Variants in GCN1 observed in about 807,000 individuals in gnomAD.
GCN1 encodes the protein stalled ribosome sensor GCN1.
GCN1 carries 90 observed loss-of-function variants against 288.4 expected under a neutral mutation model. The ratio of observed to expected loss-of-function variants is 0.31; its 90% CI spans 0.26 to 0.37. GCN1 has a LOEUF of 0.37. Among genes scored for constraint, GCN1 ranks in the 10% least tolerant of loss-of-function variants. GCN1 has a pLI of 1.00. For synonymous variants in GCN1, 1,386 were observed against 1,420.2 expected (o/e 0.98, Z 0.54); for missense variants, 2,586 against 3,419.9 (o/e 0.76, Z 6.08).
chr12:120,165,178 C>G (rs563353955), intron 16 of GCN1, among the ~76,000 whole-genome samples: 1 of 152,016 alleles, frequency 6.6e-6, no homozygotes, highest in Admixed American at 6.6e-5. Context: ...TCTCGAGTAG[C>G]TGGGACGACA....
At chr12:120,194,621 G>T in intron 1 of GCN1, 59 bp downstream of exon 1, 1 of 1,477,176 alleles carries the variant, frequency 6.8e-7, no homozygotes. Flanking sequence ...GGCCCCGCCC[G>T]ACGGCCACCG....
At position 120,182,686 on chromosome 12, in the gene GCN1, C is replaced by T. The variant is rs193169467; in HGVS notation, c.426+883G>A. Among the ~76,000 whole-genome samples, 124 of 152,248 alleles carry T rather than the reference C, an allele frequency of 8.1e-4. 1 individual carries two copies. The highest frequency in any genetic ancestry group is 1.4e-3 in the Non-Finnish European group (93 of 68,006). ...GGCAAAGTGGCTCACACCTATAATCCCAACACTTTGGGAGGCCAAGGCAGG... is the reference window on the plus strand; with the variant it reads ...GGCAAAGTGGCTCACACCTATAATCTCAACACTTTGGGAGGCCAAGGCAGG... On this transcript the variant is annotated intron_variant, in intron 5 of 57. Transcript: ENST00000300648.
intron 31 of GCN1, among the ~76,000 whole-genome samples, 174 bp downstream of exon 31, chr12:120,154,796 C>T (rs1238531323): frequency 6.6e-6 from 1 of 152,142 alleles, no homozygotes; most frequent in East Asian, 1.9e-4. Flanking sequence ...AAAGATGGTG[C>T]CTCACACGGT....
At chr12:120,181,372 G>A (rs1392300434) in intron 5 of GCN1, among the ~76,000 whole-genome samples, 1 of 149,370 alleles carries the variant, frequency 6.7e-6, no homozygotes, top group East Asian at 2.0e-4. Context: ...GGCTGTGACA[G>A]AAGGATCGCT....
rs761323703 is a variant in GCN1 at position 120,156,482 on chromosome 12, G to A, written c.3291C>T (p.Ser1097=). 29 of 1,613,796 alleles carry A rather than the reference G, an allele frequency of 1.8e-5. No individual in the cohort carries two copies. The highest frequency in any genetic ancestry group is 1.7e-4 in the Middle Eastern group (1 of 6,058). ...LLCALQSPCA[S]VRETVLRGLM... ...ACACCCGGAGCACGGTTTCCCGCAC[G>A]CTGGCACACGGGGACTGCAAGGCAC... The change falls in exon 28 of 58, where the codon AGC becomes AGT. Residue 1097 remains serine (S), a synonymous_variant. Coordinates refer to ENST00000300648, the MANE Select transcript of GCN1 (RefSeq NM_006836.2). This position sits in a 1 kb window ranked among gnomAD's most constrained non-coding sequence, Gnocchi z 5.8.
Position 120,134,775 on chromosome 12 carries a change from G to T in GCN1, c.7009-49C>A. ...GAAAGACAGTTGTGGTAGACCCAAA[G>T]CCACAGTGTACCACAGGCATGAGAA... is the stretch of plus-strand genomic sequence containing the variant. On this transcript the variant is annotated intron_variant, in intron 51 of 57. Transcript: ENST00000300648. This position sits in a 1 kb window ranked among gnomAD's most constrained non-coding sequence, Gnocchi z 5.0. The T allele has an allele frequency of 6.7e-7, 1 of 1,490,924 alleles. No individual in the cohort carries two copies. The highest frequency in any genetic ancestry group is 9.3e-7 in the Non-Finnish European group (1 of 1,070,832). The allele number at this position is 1,490,924 out of a possible 1,614,324, so 92.4% of individuals were successfully genotyped here.
chr12:120,162,025 G>T lies in GCN1; in HGVS notation c.2197C>A (p.Leu733Met). The T allele has an allele frequency of 6.2e-7, 1 of 1,613,320 alleles. No homozygotes were observed. The highest frequency in any genetic ancestry group is 8.5e-7 in the Non-Finnish European group (1 of 1,180,020). The change falls in exon 21 of 58, where the codon CTG (leucine) becomes ATG (methionine). Residue 733 changes from leucine to methionine, a missense_variant. Physicochemically the swap from Leu to Met is conservative, Grantham distance 15. This residue lies in a region of GCN1 where 913 missense variants were observed against 1,107.0 expected (regional missense o/e 0.82). Coordinates refer to ENST00000300648, the MANE Select transcript of GCN1 (RefSeq NM_006836.2). Reference protein sequence around the residue: ...SMNAMGSLSVLSPDRVLPQLI... With the variant: ...SMNAMGSLSVMSPDRVLPQLI... ...TGTGGGAGGACCCGGTCCGGCGACA[G>T]GACGGAAAGGGAGCCCATGGCATTC...
In GCN1 at chr12:120,138,726, T is replaced by G. The variant is rs759668070; in HGVS notation, c.6125A>C (p.Glu2042Ala). 10 of 1,614,038 alleles carry G rather than the reference T, an allele frequency of 6.2e-6. No homozygotes were observed. Among genetic ancestry groups the G allele is most frequent in the Non-Finnish European group, 8.5e-6 (10 of 1,179,984 alleles). Residue 2042 changes from glutamate (E) to alanine (A), a missense_variant, in exon 46 of 58, where the codon GAG becomes GCG. Glu to Ala is a moderately radical substitution (Grantham distance 107). Coordinates refer to ENST00000300648, the MANE Select transcript of GCN1 (RefSeq NM_006836.2). ...LHSTIGHQAL[E>A]DILPFLLKQL... The stretch of plus-strand genomic sequence containing the variant: ...CTTTAGTAAAAATGGGAGAATGTCC[T>G]CCAGAGCCTGGTGGCCGATGGTGGA...
intron 5 of GCN1, among the ~76,000 whole-genome samples, chr12:120,180,562 G>T (rs538246090): frequency 6.6e-6 from 1 of 151,732 alleles, no homozygotes; most frequent in Non-Finnish European, 1.5e-5. Context: ...ACGAGATAGC[G>T]CCACTGCACT....
In GCN1 at chr12:120,149,724, A is replaced by C; in HGVS notation, c.4432-4T>G. On this transcript the variant is annotated splice_region_variant and splice_polypyrimidine_tract_variant and intron_variant, in intron 35 of 57. Coordinates refer to ENST00000300648, the MANE Select transcript of GCN1 (RefSeq NM_006836.2). Reference sequence around the variant, plus strand: ...CCTTGGCACAGTCATCTGCAGCCTCAAGGGGGGAGAAAACACATTCAGGGG... The same window carrying C: ...CCTTGGCACAGTCATCTGCAGCCTCCAGGGGGGAGAAAACACATTCAGGGG... 6.2e-7 allele frequency: 1 copy of C among 1,611,148 alleles called. No homozygotes were observed. The highest frequency in any genetic ancestry group is 8.5e-7 in the Non-Finnish European group (1 of 1,177,428).
At chr12:120,167,532 G>A (rs1212370417) in intron 16 of GCN1, among the ~76,000 whole-genome samples, 3 of 152,066 alleles carry the variant, frequency 2.0e-5, no homozygotes, top group Non-Finnish European at 2.9e-5. Flanking sequence ...TACAGAAGAA[G>A]CTAATAAAAT....
rs1876732127 is a variant in GCN1, at chr12:120,129,309, G to A, written c.7857C>T (p.Leu2619=). The A allele has an allele frequency of 6.2e-7, 1 of 1,614,154 alleles. No individual in the cohort carries two copies. The highest frequency in any genetic ancestry group is 1.3e-5 in the African/African-American group (1 of 75,056). ...CCTCTTCACCCTGCCGCATCTTGAG[G>A]AGGTTGACAATTGCCTGGTCGCTGT... ...RAYSDQAIVN[L]LKMRQGEEVF... is the part of the protein sequence containing the mutation. Residue 2619 remains leucine, a synonymous_variant, in exon 57 of 58, where the codon CTC becomes CTT. Coordinates refer to ENST00000300648, the MANE Select transcript of GCN1 (RefSeq NM_006836.2).
rs529583710 is a variant in GCN1 at position 120,180,448 on chromosome 12, C to T, written c.427-1498G>A. 1.5e-4 allele frequency among the ~76,000 whole-genome samples: 23 copies of T among 150,072 alleles called. No individual in the cohort carries two copies. The South Asian group carries it at 2.7e-3, about 18-fold the overall frequency. ...TGGCCAACATGGTGAAACCCTGTCG[C>T]TACTAAAAATACAAAAATTAGCCGG... On this transcript the variant is annotated intron_variant, in intron 5 of 57. Transcript: ENST00000300648.
At chr12:120,150,162 A>G in intron 34 of GCN1, 119 bp from the exon 35 acceptor site, 1 of 973,676 alleles carries the variant, frequency 1.0e-6, no homozygotes, top group Non-Finnish European at 1.5e-6. Flanking sequence ...ACTCAGAAAC[A>G]GCTGTGGAAC....
chr12:120,145,127 G>A, intron 39 of GCN1, 66 bp from the exon 40 acceptor site: 1 of 1,596,368 alleles, frequency 6.3e-7, no homozygotes, highest in Non-Finnish European at 8.6e-7. Context: ...AGCCACATGG[G>A]AGCAGGAAGG....
Position 120,137,381 on chromosome 12 carries a change from T to C in GCN1, c.6664-62A>G. The C allele has an allele frequency of 6.8e-7, 1 of 1,474,964 alleles. No homozygotes were observed. The highest frequency in any genetic ancestry group is 9.5e-7 in the Non-Finnish European group (1 of 1,055,796). The allele number at this position is 1,474,964 out of a possible 1,614,324, so 91.4% of individuals were successfully genotyped here. ...CCCTCTCAAGACTGCTTCCAAAGAA[T>C]ATATGGGGAAAGCGTGGGCGGGAGT... is the stretch of plus-strand genomic sequence containing the variant. On this transcript the variant is annotated intron_variant, in intron 49 of 57. Coordinates refer to ENST00000300648, the MANE Select transcript of GCN1 (RefSeq NM_006836.2). This position sits in a 1 kb window ranked among gnomAD's most constrained non-coding sequence, Gnocchi z 5.2.
intron 50 of GCN1, among the ~76,000 whole-genome samples, 162 bp from the exon 51 acceptor site, chr12:120,136,894 G>C (rs537235652): frequency 6.6e-6 from 1 of 152,278 alleles, no homozygotes; most frequent in South Asian, 2.1e-4. Context: ...GCTGGCTATG[G>C]AACGGTCTTG....
chr12:120,178,136 T>C (rs1878537224), intron 7 of GCN1, among the ~76,000 whole-genome samples: 1 of 152,186 alleles, frequency 6.6e-6, no homozygotes, highest in Non-Finnish European at 1.5e-5. Flanking sequence ...CTCTCAAAGT[T>C]CCTTCTTTAG....
chr12:120,137,472 A>T lies in GCN1; in HGVS notation c.6663+73T>A. 1 of 1,534,842 alleles carries T rather than the reference A, an allele frequency of 6.5e-7. No homozygotes were observed. On this transcript the variant is annotated intron_variant, in intron 49 of 57. Transcript: ENST00000300648. This position sits in a 1 kb window ranked among gnomAD's most constrained non-coding sequence, Gnocchi z 5.2. ...AGTGACAGGTACGTGGGGGATTCTT[A>T]TAAGTCTATTCCTGTAAATGTCTGG...
Sources: allele counts gnomAD v4.1 joint callset (sites outside exome capture counted in the v4.1 genomes callset), GRCh38; gene constraint gnomAD v4.1.1; regional missense constraint gnomAD v4.1.1; non-coding constraint Gnocchi (gnomAD v3.1); transcripts MANE v1.5; gene names NCBI Gene and HGNC (gene_info 2026-07-23, HGNC 2026-07-21).